NCKAP1: variants seen among roughly 807,000 people sequenced by gnomAD.
The protein encoded by NCKAP1 is nck-associated protein 1.
Under a neutral mutation model 151.2 loss-of-function variants are expected in NCKAP1, and 21 were observed. The observed-to-expected ratio is 0.14, with a 90% confidence interval of 0.10 to 0.20. The LOEUF (loss-of-function observed/expected upper bound fraction) is 0.20, where lower values mean the gene tolerates loss of function less well. Among genes scored for constraint, NCKAP1 ranks in the 10% least tolerant of loss-of-function variants. The pLI, the probability that NCKAP1 is intolerant of heterozygous loss-of-function variation, is 1.00. For missense variants in NCKAP1, 933 were observed against 1,352.1 expected, an observed-to-expected ratio of 0.69 and a Z score of 4.86; for synonymous variants, 484 against 451.8, an observed-to-expected ratio of 1.07 and a Z score of -0.90.
intron 2 of NCKAP1, among the ~76,000 whole-genome samples, chr2:183,007,355 T>C (rs879546726): frequency 1.4e-4 from 22 of 152,348 alleles, no homozygotes; most frequent in African/African-American, 3.4e-4. Context: ...GCAAAGAACC[T>C]ATCTTCATAC....
chr2:183,032,262 A>G (rs1575075661), intron 1 of NCKAP1, among the ~76,000 whole-genome samples: 1 of 152,206 alleles, frequency 6.6e-6, no homozygotes, highest in Admixed American at 6.5e-5. Flanking sequence ...AGCTCTCTCA[A>G]CTCACAGAAT....
rs912460022 is a variant in NCKAP1 at position 182,918,222 on chromosome 2, A to C, written c.*7480T>G. ...TGAAGTAATGGATATGAAAATGTCT[A>C]GTATCAAGAGTAGCATAATGTAAGC... is the stretch of plus-strand genomic sequence containing the variant. On this transcript the variant is annotated 3_prime_UTR_variant, in exon 31 of 31. Coordinates refer to ENST00000361354, the MANE Select transcript of NCKAP1 (RefSeq NM_013436.5). The C allele has an allele frequency of 2.0e-5, 3 of 152,236 alleles. No individual in the cohort carries two copies. The highest frequency in any genetic ancestry group is 2.9e-5 in the Non-Finnish European group (2 of 68,038). The allele number at this position is 152,236 out of a possible 1,614,324, so 9.4% of individuals were successfully genotyped here. A position where few individuals can be genotyped will look rare whatever the true frequency, so the allele number is the denominator to read the frequency against.
intron 15 of NCKAP1, among the ~76,000 whole-genome samples, chr2:182,972,427 C>T (rs1352915977): frequency 1.3e-5 from 2 of 151,988 alleles, no homozygotes; most frequent in Admixed American, 6.6e-5. Context: ...AAAATAAATG[C>T]TAACGAGGAT....
chr2:182,920,200 C>T lies in NCKAP1; in HGVS notation c.*5502G>A, dbSNP rs1696528259. On this transcript the variant is annotated 3_prime_UTR_variant, in exon 31 of 31. Transcript: ENST00000361354. ...TATTGCCCAGGCTGCTCTCGAACTT[C>T]TAGGCTCAAATGATACCTCTGGCTC... 1 of 152,252 alleles carries T rather than the reference C, an allele frequency of 6.6e-6. No homozygotes were observed. The highest frequency in any genetic ancestry group is 2.4e-5 in the African/African-American group (1 of 41,420). The allele number at this position is 152,252 out of a possible 1,614,324, so 9.4% of individuals were successfully genotyped here.
At chr2:182,936,219 T>C (rs963946369) in intron 24 of NCKAP1, among the ~76,000 whole-genome samples, 2 of 151,924 alleles carry the variant, frequency 1.3e-5, no homozygotes, top group African/African-American at 4.8e-5. Flanking sequence ...CCACTGCACA[T>C]CAGCCTGGGT....
chr2:183,003,287 A>T lies in NCKAP1; in HGVS notation c.258T>A (p.Ile86=). The T allele has an allele frequency of 1.3e-6, 2 of 1,599,908 alleles. No individual in the cohort carries two copies. Among genetic ancestry groups the T allele is most frequent in the Non-Finnish European group, 1.7e-6 (2 of 1,172,878 alleles). Residue 86 remains isoleucine, a synonymous_variant, in exon 3 of 31, where the codon ATT becomes ATA. Transcript: ENST00000361354. ...AGTAATATAATGCCAGATTTTTCAG[A>T]ATCTCTGATTTTTCTTTCTGTAGTT... ...LAQLQKEKSE[I]LKNLALYYFT... is the part of the protein sequence containing the mutation.
intron 6 of NCKAP1, among the ~76,000 whole-genome samples, chr2:182,996,912 A>T (rs1308401520): frequency 6.6e-6 from 1 of 152,242 alleles, no homozygotes; most frequent in African/African-American, 2.4e-5. Flanking sequence ...AGTGATTCTG[A>T]CGTAGCCAAC....
intron 2 of NCKAP1, among the ~76,000 whole-genome samples, chr2:183,005,741 C>T (rs1433692101): frequency 6.6e-6 from 1 of 152,152 alleles, no homozygotes; most frequent in Non-Finnish European, 1.5e-5. Flanking sequence ...ATTTCCCCTA[C>T]ATGTATTCAC....
chr2:183,027,570 G>T (rs1698921702), intron 1 of NCKAP1, among the ~76,000 whole-genome samples: 1 of 152,076 alleles, frequency 6.6e-6, no homozygotes, highest in Non-Finnish European at 1.5e-5. Flanking sequence ...AGGTAAGAAG[G>T]CTGATTGGGC....
rs1696494359 is a variant in NCKAP1, at chr2:182,918,057, A to C, written c.*7645T>G. On this transcript the variant is annotated 3_prime_UTR_variant, in exon 31 of 31. Transcript: ENST00000361354. ...TGGAAATCCTAGAGCCTTAGGTTTT[A>C]ATCTCAGCACTGCCACTCAAACTCA... The C allele has an allele frequency of 6.6e-6, 1 of 152,216 alleles. No individual in the cohort carries two copies. The highest frequency in any genetic ancestry group is 2.1e-4 in the South Asian group (1 of 4,836). 9.4% of individuals were successfully genotyped at this position (152,216 alleles called of 1,614,324 possible). A position where few individuals can be genotyped will look rare whatever the true frequency, so the allele number is the denominator to read the frequency against.
In NCKAP1 at chr2:182,982,348, A is replaced by G. The variant is rs563438596; in HGVS notation, c.1208+473T>C. 6.6e-5 allele frequency among the ~76,000 whole-genome samples: 10 copies of G among 152,336 alleles called. No individual in the cohort carries two copies. The East Asian group carries it at 9.6e-4, about 15-fold the overall frequency. Reference sequence around the variant, plus strand: ...TCTTCAAAATAATTTTGCTTCAAATATAAGTCTCCAGATTCCCCAGCCCAC... The same window carrying G: ...TCTTCAAAATAATTTTGCTTCAAATGTAAGTCTCCAGATTCCCCAGCCCAC... On this transcript the variant is annotated intron_variant, in intron 12 of 30. Transcript: ENST00000361354.
rs377348502 is a variant in NCKAP1 at position 182,923,625 on chromosome 2, G to T, written c.*2077C>A. Reference sequence around the variant, plus strand: ...TAAAGGTATTAAAAAGAATATTAAAGACATTTTTTCTACTACTGAGTGAAA... The same window carrying T: ...TAAAGGTATTAAAAAGAATATTAAATACATTTTTTCTACTACTGAGTGAAA... On this transcript the variant is annotated 3_prime_UTR_variant, in exon 31 of 31. Coordinates refer to ENST00000361354, the MANE Select transcript of NCKAP1 (RefSeq NM_013436.5). 6.6e-6 allele frequency: 1 copy of T among 152,056 alleles called. No homozygotes were observed. 9.4% of individuals were successfully genotyped at this position (152,056 alleles called of 1,614,324 possible).
rs1428678530 is a variant in NCKAP1, at chr2:182,925,540, A to G, written c.*162T>C. On this transcript the variant is annotated 3_prime_UTR_variant, in exon 31 of 31. Coordinates refer to ENST00000361354, the MANE Select transcript of NCKAP1 (RefSeq NM_013436.5). ...AACCTAAATCAACCAAGTATACTGT[A>G]GTACAACCATATTAAGAAACCAATG... is the stretch of plus-strand genomic sequence containing the variant. 1 of 423,724 alleles carries G rather than the reference A, an allele frequency of 2.4e-6. No homozygotes were observed. Among genetic ancestry groups the G allele is most frequent in the Admixed American group, 3.9e-5 (1 of 25,512 alleles). 26.2% of individuals were successfully genotyped at this position (423,724 alleles called of 1,614,324 possible). A position where few individuals can be genotyped will look rare whatever the true frequency, so the allele number is the denominator to read the frequency against.
intron 20 of NCKAP1, among the ~76,000 whole-genome samples, chr2:182,953,933 G>A (rs1008188436): frequency 6.6e-6 from 1 of 152,212 alleles, no homozygotes; most frequent in Non-Finnish European, 1.5e-5. Flanking sequence ...ATGGTAAGTT[G>A]TTTGTAGCAA....
rs1248576883 is a variant in NCKAP1 at position 182,920,121 on chromosome 2, T to A, written c.*5581A>T. 1.3e-5 allele frequency: 2 copies of A among 152,132 alleles called. No individual in the cohort carries two copies. Among genetic ancestry groups the A allele is most frequent in the Admixed American group, 6.6e-5 (1 of 15,254 alleles). 9.4% of individuals were successfully genotyped at this position (152,132 alleles called of 1,614,324 possible). ...TTGCTGGGACTACAGGTGTACACAA[T>A]CACACCCGGCTTTTTCATTTTTGTA... On this transcript the variant is annotated 3_prime_UTR_variant, in exon 31 of 31. Transcript: ENST00000361354.
chr2:183,012,666 G>A (rs1358203001), intron 2 of NCKAP1, among the ~76,000 whole-genome samples: 2 of 147,960 alleles, frequency 1.4e-5, no homozygotes, highest in African/African-American at 2.5e-5. Context: ...GTCCCAGAGT[G>A]TAGTGGCATG....
chr2:183,015,206 A>G (rs955376090), intron 2 of NCKAP1, among the ~76,000 whole-genome samples: 1 of 152,206 alleles, frequency 6.6e-6, no homozygotes. Flanking sequence ...TAATTATATA[A>G]AAAGGATAAG....
At chr2:183,018,346 G>T (rs773072229) in intron 2 of NCKAP1, among the ~76,000 whole-genome samples, 45 of 152,158 alleles carry the variant, frequency 3.0e-4, no homozygotes, top group Non-Finnish European at 5.9e-4. Context: ...CTCAAATTCT[G>T]GTTTACTGAA....
At chr2:182,961,923 C>T (rs1200108782) in intron 18 of NCKAP1, among the ~76,000 whole-genome samples, 1 of 152,182 alleles carries the variant, frequency 6.6e-6, no homozygotes, top group Admixed American at 6.5e-5. Context: ...TAACACTACA[C>T]ACATGTAAAA....
Sources: gnomAD v4.1 joint callset for allele counts (sites outside exome capture counted in the v4.1 genomes callset) on GRCh38, gnomAD v4.1.1 for gene constraint, MANE v1.5 for transcripts, NCBI Gene and HGNC (gene_info 2026-07-23, HGNC 2026-07-21) for gene names.